The following COPS4 variants were observed in gnomAD, a reference collection of about 807,000 sequenced individuals.
COPS4 encodes the protein COP9 signalosome subunit 4, also known as COP9 signalosome complex subunit 4.
A neutral mutation model predicts 55.1 loss-of-function variants in COPS4; 8 were observed. That is an observed-to-expected ratio of 0.15 (90% CI 0.09 to 0.26). COPS4 has a LOEUF of 0.26. COPS4 is among the 10% of genes least tolerant of loss of function. The pLI, the probability that COPS4 is intolerant of heterozygous loss-of-function variation, is 1.00. For missense variants in COPS4, 248 were observed against 484.0 expected (o/e 0.51, Z 4.58); for synonymous variants, 185 against 165.7 (o/e 1.12, Z -0.90).
chr4:83,049,629 A>G, intron 3 of COPS4: 1 of 456,398 alleles, frequency 2.2e-6, no homozygotes. Flanking sequence ...AGGAACATAC[A>G]AGCTAAATTT....
chr4:83,059,300 G>A (rs1445820496), intron 6 of COPS4, among the ~76,000 whole-genome samples: 1 of 151,762 alleles, frequency 6.6e-6, no homozygotes, highest in Non-Finnish European at 1.5e-5. Flanking sequence ...TCAAGGTTTT[G>A]TTGACTTGCT....
intron 4 of COPS4, among the ~76,000 whole-genome samples, chr4:83,056,332 C>G (rs183698200): frequency 1.4e-4 from 22 of 152,202 alleles, no homozygotes; most frequent in African/African-American, 5.1e-4. Context: ...CAGTTATTTT[C>G]TAGGAAGGTT....
chr4:83,067,223 A>G (rs1731312905), intron 8 of COPS4, among the ~76,000 whole-genome samples: 1 of 151,390 alleles, frequency 6.6e-6, no homozygotes, highest in Admixed American at 6.6e-5. Context: ...ACACATCACC[A>G]CGCCTGGCTA....
chr4:83,061,034 C>CAAA (rs201966859), intron 6 of COPS4, among the ~76,000 whole-genome samples: 3 of 148,660 alleles, frequency 2.0e-5, no homozygotes, highest in South Asian at 2.1e-4. Context: ...AACTCTGTCT[C>CAAA]AAAAAAAAAA....
At chr4:83,052,010 A>C (rs1039182544) in intron 4 of COPS4, among the ~76,000 whole-genome samples, 1 of 152,214 alleles carries the variant, frequency 6.6e-6, no homozygotes, top group Non-Finnish European at 1.5e-5. Context: ...AGGTCAAGTA[A>C]GATAAGGAGT....
At chr4:83,056,377 G>A (rs1731015835) in intron 4 of COPS4, among the ~76,000 whole-genome samples, 1 of 152,138 alleles carries the variant, frequency 6.6e-6, no homozygotes, top group Non-Finnish European at 1.5e-5. Flanking sequence ...CCCCTAAACT[G>A]GGCAGTTGTT....
rs771914503 is a variant in COPS4 at position 83,057,347 on chromosome 4, C to T, written c.654C>T (p.His218=). The change falls in exon 6 of 10, where the codon CAC becomes CAT. Residue 218 remains histidine, a synonymous_variant. Coordinates refer to ENST00000264389, the MANE Select transcript of COPS4 (RefSeq NM_016129.3). ...AGCTCTCTTACAAGACAATAGTCCA[C>T]GAAAGTGAAAGACTAGAGGCCTTAA... ...YNELSYKTIV[H]ESERLEALKH... The T allele has an allele frequency of 8.1e-5, 131 of 1,612,906 alleles. No homozygotes were observed. The highest frequency in any genetic ancestry group is 9.9e-5 in the South Asian group (9 of 90,808).
chr4:83,040,577 G>A (rs1205036863), intron 1 of COPS4, among the ~76,000 whole-genome samples: 1 of 151,980 alleles, frequency 6.6e-6, no homozygotes, highest in African/African-American at 2.4e-5. Context: ...CAGCAGATTC[G>A]CAGTGAGCCC....
chr4:83,050,229 G>A (rs1442343571), intron 4 of COPS4, among the ~76,000 whole-genome samples: 1 of 152,126 alleles, frequency 6.6e-6, no homozygotes, highest in Non-Finnish European at 1.5e-5. Context: ...TCAAAGACTT[G>A]AAGGAGATAA....
At chr4:83,069,064 A>G (rs1415837618) in intron 9 of COPS4, among the ~76,000 whole-genome samples, 1 of 152,096 alleles carries the variant, frequency 6.6e-6, no homozygotes, top group East Asian at 1.9e-4. Context: ...GTATCAGTTC[A>G]TTCATTTATG....
chr4:83,047,148 G>C (rs143205528), intron 2 of COPS4, among the ~76,000 whole-genome samples: 28 of 152,296 alleles, frequency 1.8e-4, no homozygotes, highest in African/African-American at 6.3e-4. Flanking sequence ...ATGGCCTCCG[G>C]TGTGAGATAA....
intron 4 of COPS4, among the ~76,000 whole-genome samples, chr4:83,052,083 G>T (rs1730901747): frequency 6.6e-6 from 1 of 152,156 alleles, no homozygotes; most frequent in Non-Finnish European, 1.5e-5. Flanking sequence ...GCTGAGTTTT[G>T]TGAAATGATA....
At chr4:83,041,118 A>G (rs1730558041) in intron 1 of COPS4, among the ~76,000 whole-genome samples, 1 of 144,554 alleles carries the variant, frequency 6.9e-6, no homozygotes, top group South Asian at 2.1e-4. Flanking sequence ...GCTGGAGTGC[A>G]GTGGCATGAT....
intron 1 of COPS4, among the ~76,000 whole-genome samples, chr4:83,036,551 G>C (rs1730423551): frequency 6.6e-6 from 1 of 152,124 alleles, no homozygotes; most frequent in Non-Finnish European, 1.5e-5. Flanking sequence ...ATAATAATAG[G>C]ACTTATTCTT....
intron 2 of COPS4, 104 bp from the exon 3 acceptor site, chr4:83,049,062 T>C (rs1221822497): frequency 9.6e-7 from 1 of 1,043,736 alleles, no homozygotes; most frequent in African/African-American, 1.6e-5. Flanking sequence ...TTGAAGGCTG[T>C]ACTAATATAG....
intron 4 of COPS4, among the ~76,000 whole-genome samples, chr4:83,052,098 A>G (rs747174585): frequency 6.6e-6 from 1 of 152,300 alleles, no homozygotes; most frequent in Non-Finnish European, 1.5e-5. Flanking sequence ...ATGATAGTGA[A>G]AGCCTGATTG....
chr4:83,071,419 A>G (rs887819838), intron 9 of COPS4, among the ~76,000 whole-genome samples: 6 of 152,018 alleles, frequency 3.9e-5, no homozygotes, highest in African/African-American at 1.5e-4. Context: ...AGCTTTTGTT[A>G]TAATGATTTT....
chr4:83,055,951 C>T (rs1406347658), intron 4 of COPS4, among the ~76,000 whole-genome samples: 3 of 127,464 alleles, frequency 2.4e-5, no homozygotes, highest in Non-Finnish European at 1.6e-5. Flanking sequence ...TTTTTTGAGA[C>T]GAAGTCTCAC....
intron 2 of COPS4, among the ~76,000 whole-genome samples, chr4:83,046,314 A>G (rs1255345147): frequency 6.6e-6 from 1 of 152,320 alleles, no homozygotes; most frequent in Admixed American, 6.5e-5. Context: ...GAGAAAATGA[A>G]ATGCTTATAC....
Sources: allele counts gnomAD v4.1 joint callset (sites outside exome capture counted in the v4.1 genomes callset), GRCh38; gene constraint gnomAD v4.1.1; transcripts MANE v1.5; gene names NCBI Gene and HGNC (gene_info 2026-07-23, HGNC 2026-07-21).